LRRN3: variants seen among roughly 807,000 people sequenced by gnomAD.
LRRN3 encodes leucine rich repeat neuronal 3.
In LRRN3, 15 loss-of-function variants were observed where a neutral mutation model predicts 40.1. That is an observed-to-expected ratio of 0.37 (90% CI 0.25 to 0.58). The LOEUF (loss-of-function observed/expected upper bound fraction) is 0.58. LRRN3 is among the 20% of genes least tolerant of loss of function. The pLI is 0.72. For missense variants in LRRN3, 746 were observed against 837.7 expected (o/e 0.89, Z 1.35); for synonymous variants, 308 against 297.2 (o/e 1.04, Z -0.37).
intron 2 of LRRN3, among the ~76,000 whole-genome samples, chr7:111,112,867 T>C (rs1188190187): frequency 6.6e-6 from 1 of 152,116 alleles, no homozygotes; most frequent in Non-Finnish European, 1.5e-5. Context: ...CACCCGAAAA[T>C]GTGGTGCTAT....
At chr7:111,121,917 T>C (rs1369667068) in intron 2 of LRRN3, among the ~76,000 whole-genome samples, 1 of 152,172 alleles carries the variant, frequency 6.6e-6, no homozygotes, top group African/African-American at 2.4e-5. Context: ...GATGAGTTCA[T>C]GTCCTTTGTA....
At chr7:111,107,886 A>G (rs118050541) in intron 2 of LRRN3, among the ~76,000 whole-genome samples, 2 of 152,126 alleles carry the variant, frequency 1.3e-5, no homozygotes, top group African/African-American at 4.8e-5. Flanking sequence ...CTTTTAAGTA[A>G]ATTTTACTAG....
In LRRN3 at chr7:111,117,204, A is replaced by G. The variant is rs1377043518; in HGVS notation, c.-358-5211A>G. ...TAATCAATTAAAAAACACAAAGGTT[A>G]AAATCAGATAAGTGAGTTTACACAC... On this transcript the variant is annotated intron_variant, in intron 2 of 2. Transcript: ENST00000308478. 2.0e-5 allele frequency among the ~76,000 whole-genome samples: 3 copies of G among 152,160 alleles called. No homozygotes were observed. The East Asian group carries it at 5.8e-4, about 29-fold the overall frequency.
intron 2 of LRRN3, among the ~76,000 whole-genome samples, chr7:111,115,113 C>G (rs1216695488): frequency 1.3e-5 from 2 of 151,914 alleles, no homozygotes; most frequent in Non-Finnish European, 2.9e-5. Flanking sequence ...ACATTTGGGA[C>G]CATATAAATG....
At chr7:111,110,339 T>C (rs1397413094) in intron 2 of LRRN3, among the ~76,000 whole-genome samples, 1 of 152,178 alleles carries the variant, frequency 6.6e-6, no homozygotes, top group East Asian at 1.9e-4. Flanking sequence ...CAAGTCCATA[T>C]TCATTATTAT....
At chr7:111,106,965 A>G (rs879817288) in intron 2 of LRRN3, among the ~76,000 whole-genome samples, 3 of 151,950 alleles carry the variant, frequency 2.0e-5, no homozygotes, top group Non-Finnish European at 4.4e-5. Flanking sequence ...CATGTATTCA[A>G]TCTACTTCTT....
intron 1 of LRRN3, among the ~76,000 whole-genome samples, chr7:111,097,953 A>C (rs1176371151): frequency 6.6e-6 from 1 of 151,854 alleles, no homozygotes. Flanking sequence ...TGAGAACAAA[A>C]AAGATAGAGC....
At chr7:111,122,088 G>A (rs1800709185) in intron 2 of LRRN3, among the ~76,000 whole-genome samples, 1 of 128,366 alleles carries the variant, frequency 7.8e-6, no homozygotes. Context: ...GTGGGGTGGG[G>A]GGAGGGATAG....
chr7:111,114,481 T>C (rs1799611456), intron 2 of LRRN3, among the ~76,000 whole-genome samples: 1 of 152,160 alleles, frequency 6.6e-6, no homozygotes, highest in Admixed American at 6.6e-5. Flanking sequence ...CCCACACCTG[T>C]AATCCCAGCA....
chr7:111,123,879 C>T lies in LRRN3; in HGVS notation c.1107C>T (p.Pro369=). The T allele has an allele frequency of 6.2e-7, 1 of 1,613,988 alleles. No individual in the cohort carries two copies. The highest frequency in any genetic ancestry group is 2.2e-5 in the East Asian group (1 of 44,848). ...AGGAAATCAGCATACACAGTAACCC[C>T]ATCAGGTGTGACTGTGTCATCCGTT... ...NLKEISIHSN[P]IRCDCVIRWM... Residue 369 remains proline, a synonymous_variant, in exon 3 of 3, where the codon CCC becomes CCT. Coordinates refer to ENST00000308478, the MANE Select transcript of LRRN3 (RefSeq NM_001099658.2). The surrounding 1 kb of genome is among the most constrained non-coding windows in gnomAD (Gnocchi z 6.4).
intron 2 of LRRN3, among the ~76,000 whole-genome samples, chr7:111,111,299 TAAAAA>T (rs751990466): frequency 1.1e-5 from 1 of 92,282 alleles, no homozygotes; most frequent in African/African-American, 3.9e-5. Flanking sequence ...GTAGCAGTTG[TAAAAA>T]AAAAAAAAAA....
At chr7:111,099,824 T>A (rs1797780625) in intron 1 of LRRN3, 57 bp from the exon 2 acceptor site, 1 of 151,794 alleles carries the variant, frequency 6.6e-6, no homozygotes. Flanking sequence ...AGGACATGTA[T>A]AATTTAAAAT....
rs1260612567 is a variant in LRRN3, at chr7:111,125,336, T to C, written c.*437T>C. The C allele has an allele frequency of 5.9e-6, 1 of 169,722 alleles. No individual in the cohort carries two copies. The highest frequency in any genetic ancestry group is 1.4e-5 in the Non-Finnish European group (1 of 70,108). 10.5% of individuals were successfully genotyped at this position (169,722 alleles called of 1,614,324 possible). On this transcript the variant is annotated 3_prime_UTR_variant, in exon 3 of 3. Transcript: ENST00000308478. ...CACGTGGTGTAATAAAATGGACAAA[T>C]TCTGTAGAGTAGACACAGTGAGTAT...
chr7:111,117,244 C>G (rs945404934), intron 2 of LRRN3, among the ~76,000 whole-genome samples: 1 of 152,050 alleles, frequency 6.6e-6, no homozygotes, highest in Non-Finnish European at 1.5e-5. Context: ...AATTGTTAGA[C>G]ACCTTTGGAA....
chr7:111,101,938 T>C (rs574692326), intron 2 of LRRN3, among the ~76,000 whole-genome samples: 2 of 151,552 alleles, frequency 1.3e-5, no homozygotes, highest in South Asian at 4.1e-4. Flanking sequence ...CTACCAAAAA[T>C]GGACAAAACT....
chr7:111,117,179 T>G (rs1294176355), intron 2 of LRRN3, among the ~76,000 whole-genome samples: 1 of 152,130 alleles, frequency 6.6e-6, no homozygotes, highest in Non-Finnish European at 1.5e-5. Flanking sequence ...TATAAACTTG[T>G]AATCAATTAA....
intron 2 of LRRN3, among the ~76,000 whole-genome samples, chr7:111,110,124 G>A (rs373978907): frequency 6.6e-6 from 1 of 152,146 alleles, no homozygotes; most frequent in South Asian, 2.1e-4. Context: ...AACACAGTGA[G>A]ACTCTGTCTC....
intron 2 of LRRN3, among the ~76,000 whole-genome samples, chr7:111,106,711 C>T (rs1242305221): frequency 6.8e-6 from 1 of 146,082 alleles, no homozygotes; most frequent in Non-Finnish European, 1.5e-5. Context: ...CTAGGATGCA[C>T]ATAAAAACTG....
chr7:111,097,736 C>T (rs1309053514), intron 1 of LRRN3, among the ~76,000 whole-genome samples: 2 of 151,814 alleles, frequency 1.3e-5, no homozygotes, highest in East Asian at 3.9e-4. Context: ...CTATTTTTAT[C>T]AAAACTCAGT....
Sources: allele counts gnomAD v4.1 joint callset (sites outside exome capture counted in the v4.1 genomes callset), GRCh38; gene constraint gnomAD v4.1.1; non-coding constraint Gnocchi (gnomAD v3.1); transcripts MANE v1.5; gene names NCBI Gene and HGNC (gene_info 2026-07-23, HGNC 2026-07-21).